IGSF3: variants seen among roughly 807,000 people sequenced by gnomAD.
IGSF3 encodes the protein immunoglobulin superfamily member 3, also known as glu-Trp-Ile EWI motif-containing protein 3.
In IGSF3, 23 loss-of-function variants were observed where a neutral mutation model predicts 114.4. The ratio of observed to expected loss-of-function variants is 0.20; its 90% CI spans 0.14 to 0.28. The LOEUF (loss-of-function observed/expected upper bound fraction) is 0.28, where lower values mean the gene tolerates loss of function less well. Among genes scored for constraint, IGSF3 ranks in the 10% least tolerant of loss-of-function variants. The probability of loss-of-function intolerance (pLI) is 1.00; values close to 1 mark genes in which losing one functional copy is unlikely to be tolerated. For synonymous variants in IGSF3, 571 were observed against 645.2 expected, an observed-to-expected ratio of 0.88 and a Z score of 1.74; for missense variants, 1,172 against 1,591.5, an observed-to-expected ratio of 0.74 and a Z score of 4.48.
At chr1:116,606,756 A>C (rs1660808107) in intron 5 of IGSF3, among the ~76,000 whole-genome samples, 2 of 152,268 alleles carry the variant, frequency 1.3e-5, no homozygotes, top group South Asian at 4.1e-4. Flanking sequence ...TAGTAAAGAC[A>C]GTGGGCATTC....
chr1:116,652,685 C>T (rs1648683670), intron 2 of IGSF3, among the ~76,000 whole-genome samples: 1 of 152,176 alleles, frequency 6.6e-6, no homozygotes, highest in African/African-American at 2.4e-5. Context: ...AAATTATAAG[C>T]AGAGCACAAA....
rs1163404995 is a variant in IGSF3, at chr1:116,625,231, T to G, written c.44-8774A>C. 6.6e-6 allele frequency among the ~76,000 whole-genome samples: 1 copy of G among 152,224 alleles called. No homozygotes were observed. The highest frequency in any genetic ancestry group is 1.9e-4 in the East Asian group (1 of 5,198). On this transcript the variant is annotated intron_variant, in intron 2 of 10. Transcript: ENST00000369486. The surrounding 1 kb of genome is among the most constrained non-coding windows in gnomAD (Gnocchi z 4.7). The stretch of plus-strand genomic sequence containing the variant: ...ACAAGTTGTCCTAAGCTGACAATCC[T>G]AAAATAAATACACATAACTAATCAT...
chr1:116,636,184 CAAG>C lies in IGSF3; in HGVS notation c.44-19730_44-19728del, dbSNP rs528658390. On this transcript the variant is annotated intron_variant, in intron 2 of 10. Transcript: ENST00000369486. The surrounding 1 kb of genome is among the most constrained non-coding windows in gnomAD (Gnocchi z 4.5). ...GAGAGCCGCTCCACAATCACCTTCCCAAGAAGAATTCCCCATACCGAGTCTACC... is the reference window on the plus strand; with the variant it reads ...GAGAGCCGCTCCACAATCACCTTCCCAAGAATTCCCCATACCGAGTCTACC... Among the ~76,000 whole-genome samples the C allele has an allele frequency of 1.2e-4, 19 of 152,198 alleles. No individual in the cohort carries two copies. The highest frequency in any genetic ancestry group is 2.2e-4 in the Non-Finnish European group (15 of 68,030).
chr1:116,636,409 G>A lies in IGSF3; in HGVS notation c.44-19952C>T, dbSNP rs1216879885. 6.6e-6 allele frequency among the ~76,000 whole-genome samples: 1 copy of A among 152,128 alleles called. No individual in the cohort carries two copies. Among genetic ancestry groups the A allele is most frequent in the Non-Finnish European group, 1.5e-5 (1 of 68,006 alleles). On this transcript the variant is annotated intron_variant, in intron 2 of 10. Coordinates refer to ENST00000369486, the MANE Select transcript of IGSF3 (RefSeq NM_001007237.3). This position sits in a 1 kb window ranked among gnomAD's most constrained non-coding sequence, Gnocchi z 4.5. The stretch of plus-strand genomic sequence containing the variant: ...CTGGTTCTTCCAGGTTCTTATGCCT[G>A]GAAGAACTGCTGCTCTCCAATAGCA...
rs1406748538 is a variant in IGSF3, at chr1:116,633,716, T to TA, written c.44-17260dup. ...ACTCTCTGTGCCTTAGAACCAAAAA[T>TA]AAAAAATAAAAATTCAAAATCATGA... is the stretch of plus-strand genomic sequence containing the variant. On this transcript the variant is annotated intron_variant, in intron 2 of 10. Transcript: ENST00000369486. This position sits in a 1 kb window ranked among gnomAD's most constrained non-coding sequence, Gnocchi z 4.3. Among the ~76,000 whole-genome samples the TA allele has an allele frequency of 6.6e-6, 1 of 151,986 alleles. No homozygotes were observed. The highest frequency in any genetic ancestry group is 6.6e-5 in the Admixed American group (1 of 15,258).
At chr1:116,597,354 A>G (rs1660385630) in intron 7 of IGSF3, among the ~76,000 whole-genome samples, 1 of 152,240 alleles carries the variant, frequency 6.6e-6, no homozygotes, top group Admixed American at 6.5e-5. Flanking sequence ...GTATATAGGA[A>G]AGAGTAAAAA....
At chr1:116,604,693 G>A (rs61786582) in intron 5 of IGSF3, among the ~76,000 whole-genome samples, 2 of 152,160 alleles carry the variant, frequency 1.3e-5, no homozygotes, top group African/African-American at 2.4e-5. Context: ...CCACTCTCCC[G>A]CCTGTCCAGT....
rs1007928857 is a variant in IGSF3 at position 116,657,054 on chromosome 1, G to A, written c.43+9230C>T. On this transcript the variant is annotated intron_variant, in intron 2 of 10. Coordinates refer to ENST00000369486, the MANE Select transcript of IGSF3 (RefSeq NM_001007237.3). This position sits in a 1 kb window ranked among gnomAD's most constrained non-coding sequence, Gnocchi z 4.2. ...TTTACCCCAATACATTTTGTCTGCT[G>A]TTCTAAATCATGACTTACTTCAAAT... 1.3e-5 allele frequency among the ~76,000 whole-genome samples: 2 copies of A among 152,118 alleles called. No homozygotes were observed. Among genetic ancestry groups the A allele is most frequent in the Admixed American group, 6.6e-5 (1 of 15,266 alleles).
At chr1:116,666,130 C>G (rs949438743) in intron 2 of IGSF3, among the ~76,000 whole-genome samples, 154 bp downstream of exon 2, 1 of 152,160 alleles carries the variant, frequency 6.6e-6, no homozygotes, top group African/African-American at 2.4e-5. Flanking sequence ...AGAAACGGGC[C>G]TCTTCGTACT....
At chr1:116,637,769 T>C (rs1433618152) in intron 2 of IGSF3, among the ~76,000 whole-genome samples, 4 of 152,248 alleles carry the variant, frequency 2.6e-5, no homozygotes, top group African/African-American at 9.6e-5. Flanking sequence ...GTTTTTTATC[T>C]TACTTGCCAA....
intron 2 of IGSF3, among the ~76,000 whole-genome samples, chr1:116,641,410 C>T (rs186539695): frequency 2.8e-5 from 4 of 143,742 alleles, no homozygotes; most frequent in Non-Finnish European, 6.0e-5. Flanking sequence ...GCATGAGAAT[C>T]GCTTGGACCC....
At chr1:116,641,230 G>T (rs1404475632) in intron 2 of IGSF3, among the ~76,000 whole-genome samples, 2 of 152,154 alleles carry the variant, frequency 1.3e-5, no homozygotes, top group African/African-American at 4.8e-5. Flanking sequence ...GGGCGTGGTG[G>T]CTCACGCCTG....
intron 2 of IGSF3, chr1:116,617,437 G>A (rs1661266086): frequency 1.1e-6 from 1 of 878,484 alleles, no homozygotes; most frequent in African/African-American, 1.8e-5. Flanking sequence ...GAAAAGCGCA[G>A]GTGAGTTACA....
In IGSF3 at chr1:116,642,805, T is replaced by C. The variant is rs1428575822; in HGVS notation, c.43+23479A>G. 3.9e-5 allele frequency among the ~76,000 whole-genome samples: 6 copies of C among 152,314 alleles called. No individual in the cohort carries two copies. The highest frequency in any genetic ancestry group is 1.3e-4 in the Admixed American group (2 of 15,304). On this transcript the variant is annotated intron_variant, in intron 2 of 10. Transcript: ENST00000369486. The surrounding 1 kb of genome is among the most constrained non-coding windows in gnomAD (Gnocchi z 5.4). ...GCTGGGACTTGGAAGCACACAGTAG[T>C]AGCAGATGTCAGCAGGGGGCCACCA...
At chr1:116,658,117 T>C (rs699784) in intron 2 of IGSF3, among the ~76,000 whole-genome samples, 40,282 of 151,496 alleles carry the variant, frequency 0.27, 5,637 homozygotes, top group East Asian at 0.35. Context: ...TCTCGGCTCA[T>C]CGCAAACTCC....
rs1205602574 is a variant in IGSF3 at position 116,596,020 on chromosome 1, C to T, written c.2029+3921G>A. ...CCTTGAAGATTCTGTTGGGGATATG[C>T]ATATGCAACAGGAAGCACACACAGG... is the stretch of plus-strand genomic sequence containing the variant. On this transcript the variant is annotated intron_variant, in intron 7 of 10. Transcript: ENST00000369486. The surrounding 1 kb of genome is among the most constrained non-coding windows in gnomAD (Gnocchi z 4.1). Among the ~76,000 whole-genome samples the T allele has an allele frequency of 6.6e-6, 1 of 152,210 alleles. No homozygotes were observed. The highest frequency in any genetic ancestry group is 1.5e-5 in the Non-Finnish European group (1 of 68,032).
intron 2 of IGSF3, among the ~76,000 whole-genome samples, chr1:116,652,082 T>G (rs947757899): frequency 6.6e-6 from 1 of 152,178 alleles, no homozygotes; most frequent in African/African-American, 2.4e-5. Context: ...ATCCTGGACG[T>G]CACTAACTTG....
At chr1:116,620,321 G>C (rs1661374298) in intron 2 of IGSF3, among the ~76,000 whole-genome samples, 1 of 152,138 alleles carries the variant, frequency 6.6e-6, no homozygotes, top group Non-Finnish European at 1.5e-5. Flanking sequence ...GACAAGAAGG[G>C]GACTGCAGAT....
intron 2 of IGSF3, among the ~76,000 whole-genome samples, chr1:116,622,368 A>G (rs1661451229): frequency 6.6e-6 from 1 of 152,240 alleles, no homozygotes; most frequent in Non-Finnish European, 1.5e-5. Context: ...TGAGATATCA[A>G]TATATAAACA....
Sources: allele counts gnomAD v4.1 joint callset (sites outside exome capture counted in the v4.1 genomes callset), GRCh38; gene constraint gnomAD v4.1.1; non-coding constraint Gnocchi (gnomAD v3.1); transcripts MANE v1.5; gene names NCBI Gene and HGNC (gene_info 2026-07-23, HGNC 2026-07-21).